FER: variants seen among roughly 807,000 people sequenced by gnomAD.
FER encodes tyrosine-protein kinase Fer.
Under a neutral mutation model 111.0 loss-of-function variants are expected in FER, and 63 were observed. That is an observed-to-expected ratio of 0.57 (90% CI 0.46 to 0.70). FER has a LOEUF of 0.70. Ranked by LOEUF, FER falls within the 30% of genes least tolerant of loss-of-function variation. FER has a pLI of 0.00. For synonymous variants in FER, 327 were observed against 313.9 expected (o/e 1.04, Z -0.44); for missense variants, 914 against 954.0 (o/e 0.96, Z 0.55).
intron 10 of FER, among the ~76,000 whole-genome samples, chr5:108,923,331 G>T (rs1753281931): frequency 6.6e-6 from 1 of 151,842 alleles, no homozygotes; most frequent in Non-Finnish European, 1.5e-5. Context: ...TATGCAAAAA[G>T]GCAAGAAAAT....
intron 13 of FER, among the ~76,000 whole-genome samples, chr5:108,962,588 C>T (rs1024640544): frequency 5.3e-5 from 8 of 152,120 alleles, no homozygotes; most frequent in Non-Finnish European, 1.5e-5. Context: ...TCCAGTGTCT[C>T]GAAGAGTGCT....
chr5:109,047,700 G>T lies in FER; in HGVS notation c.1924+502G>T, dbSNP rs971633306. 2.0e-5 allele frequency among the ~76,000 whole-genome samples: 3 copies of T among 152,178 alleles called. No individual in the cohort carries two copies. The East Asian group carries it at 5.8e-4, about 29-fold the overall frequency. On this transcript the variant is annotated intron_variant, in intron 16 of 19. Coordinates refer to ENST00000281092, the MANE Select transcript of FER (RefSeq NM_005246.4). ...TTCTCCTGCCTTGGCCTCCCAAAGT[G>T]CTGGGATTACAGACATGAGCCGCAG... is the stretch of plus-strand genomic sequence containing the variant.
intron 3 of FER, among the ~76,000 whole-genome samples, chr5:108,813,701 A>G (rs1757991145): frequency 1.3e-5 from 2 of 152,050 alleles, no homozygotes; most frequent in Admixed American, 6.6e-5. Flanking sequence ...TTTTACTTCC[A>G]ACTTCCTTTC....
At chr5:108,924,522 C>A in intron 10 of FER, 4 of 1,021,868 alleles carry the variant, frequency 3.9e-6, no homozygotes, top group Non-Finnish European at 5.0e-6. Flanking sequence ...TACTTCCATG[C>A]CAACAGGGGG....
intron 17 of FER, among the ~76,000 whole-genome samples, chr5:109,167,804 TAG>T (rs1478719263): frequency 1.3e-5 from 2 of 152,168 alleles, no homozygotes; most frequent in African/African-American, 4.8e-5. Context: ...ACTTGTGGAC[TAG>T]GATTGTTGCC....
At chr5:109,027,161 A>T (rs950192711) in intron 13 of FER, among the ~76,000 whole-genome samples, 2 of 151,850 alleles carry the variant, frequency 1.3e-5, no homozygotes, top group East Asian at 1.9e-4. Context: ...ATTACACTGG[A>T]TGATTACCAC....
At chr5:108,903,246 G>C (rs911535937) in intron 10 of FER, among the ~76,000 whole-genome samples, 1 of 152,118 alleles carries the variant, frequency 6.6e-6, no homozygotes. Flanking sequence ...CCTTTTGCTA[G>C]ACCAACACAC....
At chr5:109,005,133 G>A (rs564711305) in intron 13 of FER, among the ~76,000 whole-genome samples, 1 of 152,178 alleles carries the variant, frequency 6.6e-6, no homozygotes, top group South Asian at 2.1e-4. Flanking sequence ...TGCCCATGAC[G>A]AGATGATGCA....
intron 3 of FER, among the ~76,000 whole-genome samples, chr5:108,821,878 CTCTT>C (rs1216289018): frequency 6.6e-6 from 1 of 152,078 alleles, no homozygotes; most frequent in African/African-American, 2.4e-5. Context: ...GATACGTACT[CTCTT>C]AGCAAATTCA....
intron 13 of FER, among the ~76,000 whole-genome samples, chr5:109,033,641 A>T (rs192953371): frequency 1.3e-5 from 2 of 152,106 alleles, no homozygotes; most frequent in African/African-American, 4.8e-5. Flanking sequence ...TCTTAGGAAT[A>T]TTCCATTTAA....
At chr5:108,834,363 G>C (rs2150136082) in intron 4 of FER, among the ~76,000 whole-genome samples, 1 of 152,236 alleles carries the variant, frequency 6.6e-6, no homozygotes, top group South Asian at 2.1e-4. Flanking sequence ...TGTGAAACTT[G>C]ACTAATTGGT....
At chr5:108,899,796 C>G (rs1395080122) in intron 10 of FER, among the ~76,000 whole-genome samples, 13 of 149,006 alleles carry the variant, frequency 8.7e-5, no homozygotes, top group Admixed American at 2.7e-4. Context: ...GGGCAAGACT[C>G]CATCTCAAAA....
chr5:108,841,662 A>C (rs535983563), intron 5 of FER, among the ~76,000 whole-genome samples: 26 of 152,316 alleles, frequency 1.7e-4, no homozygotes, highest in African/African-American at 5.8e-4. Context: ...TTTTAAAAAC[A>C]TGAATAGTGA....
At chr5:109,053,109 G>A (rs540883473) in intron 16 of FER, among the ~76,000 whole-genome samples, 4 of 152,092 alleles carry the variant, frequency 2.6e-5, no homozygotes, top group Admixed American at 2.0e-4. Context: ...GGAGGCGGCC[G>A]GGAACAGTGG....
chr5:109,006,100 G>A (rs868397344), intron 13 of FER, among the ~76,000 whole-genome samples: 19 of 151,970 alleles, frequency 1.3e-4, no homozygotes, highest in Admixed American at 2.0e-4. Flanking sequence ...ACCTGATGAT[G>A]TAGAGAGAAG....
At chr5:109,037,963 GGACAA>G (rs1435008934) in intron 14 of FER, among the ~76,000 whole-genome samples, 1 of 151,602 alleles carries the variant, frequency 6.6e-6, no homozygotes, top group Non-Finnish European at 1.5e-5. Flanking sequence ...CTAAAAATGT[GGACAA>G]GACACTTGTT....
intron 3 of FER, among the ~76,000 whole-genome samples, chr5:108,813,288 T>C (rs906341759): frequency 6.6e-6 from 1 of 152,178 alleles, no homozygotes; most frequent in African/African-American, 2.4e-5. Flanking sequence ...CTAATGTTTT[T>C]TTCCTCTGGC....
At chr5:109,012,090 T>G (rs996618516) in intron 13 of FER, among the ~76,000 whole-genome samples, 4 of 152,246 alleles carry the variant, frequency 2.6e-5, no homozygotes, top group African/African-American at 9.6e-5. Flanking sequence ...TTCGCCGCAC[T>G]CTTTGGTGCT....
intron 17 of FER, among the ~76,000 whole-genome samples, chr5:109,172,202 C>T (rs1181472494): frequency 1.3e-5 from 2 of 151,760 alleles, no homozygotes; most frequent in African/African-American, 4.8e-5. Context: ...TATTGCGGCA[C>T]TATTCACAAT....
Sources: gnomAD v4.1 joint callset for allele counts (sites outside exome capture counted in the v4.1 genomes callset) on GRCh38, gnomAD v4.1.1 for gene constraint, MANE v1.5 for transcripts, NCBI Gene and HGNC (gene_info 2026-07-23, HGNC 2026-07-21) for gene names.